The following CELSR1 variants were observed in gnomAD, a reference collection of about 807,000 sequenced individuals.
CELSR1 encodes the protein cadherin EGF LAG seven-pass G-type receptor 1, also known as adhesion G protein-coupled receptor C1.
A neutral mutation model predicts 249.1 loss-of-function variants in CELSR1; 110 were observed. The ratio of observed to expected loss-of-function variants is 0.44; its 90% confidence interval spans 0.38 to 0.52. The LOEUF (loss-of-function observed/expected upper bound fraction) is 0.52. Ranked by LOEUF, CELSR1 falls within the 20% of genes least tolerant of loss-of-function variation. The pLI is 0.00. For synonymous variants in CELSR1, 2,113 were observed against 1,900.0 expected, an observed-to-expected ratio of 1.11 and a Z score of -2.92; for missense variants, 4,109 against 4,296.4, an observed-to-expected ratio of 0.96 and a Z score of 1.22.
At chr22:46,405,935 G>C (rs2079261484) in intron 9 of CELSR1, among the ~76,000 whole-genome samples, 1 of 152,134 alleles carries the variant, frequency 6.6e-6, no homozygotes, top group Non-Finnish European at 1.5e-5. Context: ...CCTTCTGGGT[G>C]CCCAGTGGGG....
chr22:46,379,654 A>T (rs2078955559), intron 22 of CELSR1, among the ~76,000 whole-genome samples: 1 of 152,204 alleles, frequency 6.6e-6, no homozygotes, highest in Non-Finnish European at 1.5e-5. Context: ...GAAGCAGGAG[A>T]AGAATGAGGC....
At chr22:46,470,328 T>C (rs73178807) in intron 1 of CELSR1, among the ~76,000 whole-genome samples, 64 of 151,990 alleles carry the variant, frequency 4.2e-4, no homozygotes, top group Non-Finnish European at 6.6e-4. Context: ...TGTATCATAG[T>C]GAGAAGCCCA....
chr22:46,409,951 C>T lies in CELSR1; in HGVS notation c.4934-71G>A, dbSNP rs767494810. ...CCGGGGTCCCCGGCGCCAGACGTGGCGTGGGAAACCAGGACGGAATGGACC... is the reference window on the plus strand; with the variant it reads ...CCGGGGTCCCCGGCGCCAGACGTGGTGTGGGAAACCAGGACGGAATGGACC... On this transcript the variant is annotated intron_variant, in intron 7 of 34. Coordinates refer to ENST00000674500, the MANE Select transcript of CELSR1 (RefSeq NM_001378328.1). This position sits in a 1 kb window ranked among gnomAD's most constrained non-coding sequence, Gnocchi z 9.8. 3.8e-5 allele frequency: 61 copies of T among 1,590,444 alleles called. No homozygotes were observed. The highest frequency in any genetic ancestry group is 3.9e-5 in the Non-Finnish European group (46 of 1,172,568).
At position 46,362,910 on chromosome 22, in the gene CELSR1, C is replaced by T. The variant is rs2078721396; in HGVS notation, c.*313G>A. On this transcript the variant is annotated 3_prime_UTR_variant, in exon 35 of 35. Transcript: ENST00000674500. The stretch of plus-strand genomic sequence containing the variant: ...CCCAGTCTGGGGTCCCCTCTCAGTT[C>T]TGGCTTTGACTGCAGTCTTAGGACT... The T allele has an allele frequency of 4.0e-6, 2 of 500,592 alleles. No homozygotes were observed. Among genetic ancestry groups the T allele is most frequent in the Non-Finnish European group, 7.1e-6 (2 of 280,218 alleles). The allele number at this position is 500,592 out of a possible 1,614,324, so 31.0% of individuals were successfully genotyped here. A position where few individuals can be genotyped will look rare whatever the true frequency, so the allele number is the denominator to read the frequency against.
chr22:46,404,272 C>T (rs1355724423), intron 9 of CELSR1, among the ~76,000 whole-genome samples: 5 of 151,388 alleles, frequency 3.3e-5, no homozygotes, highest in Admixed American at 2.6e-4. Context: ...ATTAGCTGGG[C>T]GTGGTGGCAC....
At chr22:46,375,265 G>A (rs1377979178) in intron 24 of CELSR1, among the ~76,000 whole-genome samples, 1 of 152,150 alleles carries the variant, frequency 6.6e-6, no homozygotes, top group African/African-American at 2.4e-5. Flanking sequence ...CCTGGCTCAT[G>A]CGCCACACCT....
At chr22:46,496,323 T>C (rs2337052) in intron 1 of CELSR1, among the ~76,000 whole-genome samples, 101,614 of 151,840 alleles carry the variant, frequency 0.67, 35,075 homozygotes, top group East Asian at 0.98. Context: ...ATCCCAGCAC[T>C]TTGGGAGGCC....
rs2079268918 is a variant in CELSR1, at chr22:46,406,607, C to T, written c.5226+2389G>A. Among the ~76,000 whole-genome samples the T allele has an allele frequency of 6.6e-6, 1 of 152,238 alleles. No individual in the cohort carries two copies. The highest frequency in any genetic ancestry group is 2.4e-5 in the African/African-American group (1 of 41,460). ...GCATGTGCTGGGCAGTCCCTCTGTC[C>T]ACCCGCCAACCCTCATGCCAATCTT... On this transcript the variant is annotated intron_variant, in intron 9 of 34. Transcript: ENST00000674500. The surrounding 1 kb of genome is among the most constrained non-coding windows in gnomAD (Gnocchi z 5.4).
intron 1 of CELSR1, among the ~76,000 whole-genome samples, chr22:46,479,819 C>T (rs1287047856): frequency 6.6e-6 from 1 of 152,104 alleles, no homozygotes; most frequent in Non-Finnish European, 1.5e-5. Context: ...CTGCGAAAGC[C>T]CCAGGCAGAA....
intron 3 of CELSR1, among the ~76,000 whole-genome samples, chr22:46,438,382 G>A (rs915403841): frequency 2.0e-5 from 3 of 152,152 alleles, no homozygotes; most frequent in Non-Finnish European, 2.9e-5. Context: ...CCCTCACAGC[G>A]GCTCTCAGAG....
At chr22:46,530,440 A>G (rs2080780452) in intron 1 of CELSR1, 1 of 152,002 alleles carries the variant, frequency 6.6e-6, no homozygotes, top group South Asian at 2.1e-4. Flanking sequence ...ACCACTGTCC[A>G]GAAAGAAGGC....
chr22:46,455,718 T>C lies in CELSR1; in HGVS notation c.4183+7989A>G, dbSNP rs138453839. 2.6e-3 allele frequency among the ~76,000 whole-genome samples: 392 copies of C among 152,290 alleles called. 2 individuals carry two copies. The highest frequency in any genetic ancestry group is 4.1e-3 in the Admixed American group (62 of 15,292). On this transcript the variant is annotated intron_variant, in intron 2 of 34. Transcript: ENST00000674500. ...GCAGGGTGTGAGGACCGTGCTGGGC[T>C]CCAGTGCTGGTGGGCTGTGCCTGCA...
At chr22:46,431,121 G>A (rs894128677) in intron 5 of CELSR1, among the ~76,000 whole-genome samples, 9 of 152,204 alleles carry the variant, frequency 5.9e-5, no homozygotes, top group Admixed American at 2.0e-4. Flanking sequence ...CATGGATCCC[G>A]GTAATCCACC....
At chr22:46,388,401 A>C (rs778883885) in intron 18 of CELSR1, among the ~76,000 whole-genome samples, 1 of 152,108 alleles carries the variant, frequency 6.6e-6, no homozygotes, top group African/African-American at 2.4e-5. Flanking sequence ...TTGTTTGTGG[A>C]GTCACGCATG....
At position 46,433,831 on chromosome 22, in the gene CELSR1, CCCA is replaced by C. The variant is rs1569159399; in HGVS notation, c.4523-353_4523-351del. Among the ~76,000 whole-genome samples, 1 of 152,084 alleles carries C rather than the reference CCCA, an allele frequency of 6.6e-6. No individual in the cohort carries two copies. Among genetic ancestry groups the C allele is most frequent in the Non-Finnish European group, 1.5e-5 (1 of 68,026 alleles). ...TCCTGAGTAGCTGGGATTACAGGCACCCACCACCACACCCGGCTAATTTTTGTA... is the reference window on the plus strand; with the variant it reads ...TCCTGAGTAGCTGGGATTACAGGCACCCACCACACCCGGCTAATTTTTGTA... On this transcript the variant is annotated intron_variant, in intron 4 of 34. Coordinates refer to ENST00000674500, the MANE Select transcript of CELSR1 (RefSeq NM_001378328.1). The surrounding 1 kb of genome is among the most constrained non-coding windows in gnomAD (Gnocchi z 5.7).
chr22:46,519,872 C>CTTTTTT (rs369906485), intron 1 of CELSR1, among the ~76,000 whole-genome samples: 2 of 138,900 alleles, frequency 1.4e-5, no homozygotes, highest in Non-Finnish European at 3.1e-5. Context: ...ACCCCTATTG[C>CTTTTTT]TTTTTTTTTT....
At position 46,393,424 on chromosome 22, in the gene CELSR1, T is replaced by C. The variant is rs1203307773; in HGVS notation, c.5964+718A>G. ...TTCTATTTTAAAACTGCTGTCATCA[T>C]GGGACACCAGCTTGGTAAAGACCAG... On this transcript the variant is annotated intron_variant, in intron 14 of 34. Coordinates refer to ENST00000674500, the MANE Select transcript of CELSR1 (RefSeq NM_001378328.1). The surrounding 1 kb of genome is among the most constrained non-coding windows in gnomAD (Gnocchi z 4.1). Among the ~76,000 whole-genome samples, 2 of 152,250 alleles carry C rather than the reference T, an allele frequency of 1.3e-5. No homozygotes were observed. Among genetic ancestry groups the C allele is most frequent in the African/African-American group, 4.8e-5 (2 of 41,464 alleles).
intron 1 of CELSR1, among the ~76,000 whole-genome samples, chr22:46,519,152 C>T (rs181991885): frequency 2.0e-5 from 3 of 152,250 alleles, no homozygotes; most frequent in East Asian, 3.9e-4. Flanking sequence ...CGGGTTGGGG[C>T]TGCCAGAGGG....
Position 46,391,928 on chromosome 22 carries a change from G to C in CELSR1, c.5965-112C>G. 8.6e-7 allele frequency: 1 copy of C among 1,160,726 alleles called. No individual in the cohort carries two copies. Among genetic ancestry groups the C allele is most frequent in the Non-Finnish European group, 1.2e-6 (1 of 835,536 alleles). The allele number at this position is 1,160,726 out of a possible 1,614,324, so 71.9% of individuals were successfully genotyped here. A position where few individuals can be genotyped will look rare whatever the true frequency, so the allele number is the denominator to read the frequency against. On this transcript the variant is annotated intron_variant, in intron 14 of 34. Transcript: ENST00000674500. This position sits in a 1 kb window ranked among gnomAD's most constrained non-coding sequence, Gnocchi z 4.3. ...TCCCACCCGGGTGTGTGTGTTGGCC[G>C]CCAGCCATCCCACCCCTCATGGCTA...
Sources: allele counts gnomAD v4.1 joint callset (sites outside exome capture counted in the v4.1 genomes callset), GRCh38; gene constraint gnomAD v4.1.1; non-coding constraint Gnocchi (gnomAD v3.1); transcripts MANE v1.5; gene names NCBI Gene and HGNC (gene_info 2026-07-23, HGNC 2026-07-21).